The following KIF26B variants were observed in gnomAD, a reference collection of about 807,000 sequenced individuals.
KIF26B encodes the protein kinesin family member 26B.
In KIF26B, 63 loss-of-function variants were observed where a neutral mutation model predicts 151.2. The ratio of observed to expected loss-of-function variants is 0.42; its 90% CI spans 0.34 to 0.51. KIF26B has a LOEUF of 0.51. KIF26B is among the 20% of genes least tolerant of loss of function. The pLI is 0.07. For synonymous variants in KIF26B, 1,357 were observed against 1,262.1 expected, an observed-to-expected ratio of 1.08 and a Z score of -1.59; for missense variants, 2,813 against 2,913.6, an observed-to-expected ratio of 0.97 and a Z score of 0.79.
chr1:245,363,517 T>A (rs1472595195), intron 2 of KIF26B, among the ~76,000 whole-genome samples: 3 of 152,174 alleles, frequency 2.0e-5, no homozygotes, highest in Non-Finnish European at 4.4e-5. Context: ...TTTCTTCCTA[T>A]TTATGACTAC....
At chr1:245,346,194 C>A (rs1055978516) in intron 2 of KIF26B, among the ~76,000 whole-genome samples, 1 of 152,110 alleles carries the variant, frequency 6.6e-6, no homozygotes, top group Admixed American at 6.5e-5. Context: ...CCACCTGCCT[C>A]GGCCTCCCAA....
chr1:245,207,257 G>A (rs953971376), intron 2 of KIF26B, among the ~76,000 whole-genome samples: 6 of 151,744 alleles, frequency 4.0e-5, no homozygotes, highest in Non-Finnish European at 7.3e-5. Flanking sequence ...CTGCAGAAGG[G>A]TGCTTCTCAC....
intron 9 of KIF26B, among the ~76,000 whole-genome samples, chr1:245,643,137 T>C (rs773961440): frequency 6.6e-5 from 10 of 152,366 alleles, no homozygotes; most frequent in Non-Finnish European, 1.5e-4. Context: ...CTCAAGCATA[T>C]AGTAGAGCCT....
chr1:245,663,833 A>G (rs755584882), intron 10 of KIF26B, among the ~76,000 whole-genome samples: 1 of 152,136 alleles, frequency 6.6e-6, no homozygotes, highest in African/African-American at 2.4e-5. Context: ...AATACCTACA[A>G]GGGACAATTA....
At chr1:245,334,075 A>G (rs1005981380) in intron 2 of KIF26B, among the ~76,000 whole-genome samples, 2 of 152,142 alleles carry the variant, frequency 1.3e-5, no homozygotes, top group Non-Finnish European at 2.9e-5. Context: ...GGGGCTTAGA[A>G]GGAAGCAGAA....
chr1:245,280,121 G>A (rs572854020), intron 2 of KIF26B, among the ~76,000 whole-genome samples: 3 of 152,100 alleles, frequency 2.0e-5, no homozygotes, highest in East Asian at 3.9e-4. Flanking sequence ...CCCATTGGGC[G>A]CCCCATTTCA....
chr1:245,163,630 T>A (rs1460358422), intron 2 of KIF26B, among the ~76,000 whole-genome samples: 2 of 152,210 alleles, frequency 1.3e-5, no homozygotes, highest in Non-Finnish European at 2.9e-5. Context: ...TGGTGTTGAA[T>A]CTTTCCCAAG....
chr1:245,236,694 C>G (rs1427426066), intron 2 of KIF26B, among the ~76,000 whole-genome samples: 1 of 152,104 alleles, frequency 6.6e-6, no homozygotes, highest in African/African-American at 2.4e-5. Context: ...ATGTCTAAAC[C>G]TGAAAACAAT....
At chr1:245,661,369 G>C (rs949117689) in intron 10 of KIF26B, among the ~76,000 whole-genome samples, 7 of 151,852 alleles carry the variant, frequency 4.6e-5, no homozygotes, top group Non-Finnish European at 1.0e-4. Context: ...TGTTCCTTTT[G>C]AGCCTTTTAA....
In KIF26B at chr1:245,419,578, G is replaced by C; in HGVS notation, c.1000-1G>C. On this transcript the variant is annotated splice_acceptor_variant, in intron 3 of 14. Coordinates refer to ENST00000407071, the MANE Select transcript of KIF26B (RefSeq NM_018012.4). LOFTEE classifies it high-confidence loss of function. The stretch of plus-strand genomic sequence containing the variant: ...AGCTCCGTATCCATTTTCTTTGTCA[G>C]ATCTCCCAGCTGATGACAGAGAGTA... 1 of 1,606,706 alleles carries C rather than the reference G, an allele frequency of 6.2e-7. No homozygotes were observed. Among genetic ancestry groups the C allele is most frequent in the South Asian group, 1.1e-5 (1 of 90,126 alleles).
chr1:245,525,469 A>AT (rs1252928644), intron 4 of KIF26B, among the ~76,000 whole-genome samples: 1 of 152,268 alleles, frequency 6.6e-6, no homozygotes, highest in Non-Finnish European at 1.5e-5. Context: ...TCTCAATTGA[A>AT]TAGCATACAT....
intron 2 of KIF26B, among the ~76,000 whole-genome samples, chr1:245,183,533 C>T (rs999982144): frequency 1.1e-4 from 16 of 152,166 alleles, no homozygotes; most frequent in African/African-American, 3.9e-4. Flanking sequence ...CTTAGAATGA[C>T]CACTGTGGAT....
At chr1:245,422,786 A>G (rs1658521338) in intron 4 of KIF26B, among the ~76,000 whole-genome samples, 1 of 152,136 alleles carries the variant, frequency 6.6e-6, no homozygotes, top group Admixed American at 6.5e-5. Context: ...GTCAAGACAC[A>G]GGGGTGGCCT....
At position 245,419,642 on chromosome 1, in the gene KIF26B, A is replaced by G. The variant is rs1343186245; in HGVS notation, c.1063A>G (p.Asn355Asp). The G allele has an allele frequency of 6.2e-7, 1 of 1,613,844 alleles. No individual in the cohort carries two copies. Among genetic ancestry groups the G allele is most frequent in the Non-Finnish European group, 8.5e-7 (1 of 1,179,852 alleles). Residue 355 changes from asparagine to aspartate, a missense_variant, in exon 4 of 15, where the codon AAT becomes GAT. Physicochemically the swap from Asn to Asp is conservative, Grantham distance 23. Around this residue, in one of 3 missense-constraint regions of KIF26B, gnomAD observed 676 missense variants for 688.1 expected, o/e 0.98. Transcript: ENST00000407071. ...GLTEAVLNRY[N>D]ADKPSACSVP... is the part of the protein sequence containing the mutation. ...AACAGAAGCAGTGCTGAACCGCTAC[A>G]ATGCAGACAAGCCTTCCGCCTGCAG...
intron 5 of KIF26B, among the ~76,000 whole-genome samples, chr1:245,594,832 C>T (rs1558229462): frequency 6.6e-6 from 1 of 152,150 alleles, no homozygotes; most frequent in Admixed American, 6.5e-5. Context: ...TTTGTGTCCT[C>T]TCTTATTTTC....
chr1:245,444,384 C>G (rs1423250533), intron 4 of KIF26B, among the ~76,000 whole-genome samples: 3 of 152,252 alleles, frequency 2.0e-5, no homozygotes, highest in Admixed American at 2.0e-4. Flanking sequence ...CTTGAAGGAG[C>G]ACACAGAAGG....
At chr1:245,433,229 G>A (rs1443692455) in intron 4 of KIF26B, among the ~76,000 whole-genome samples, 3 of 152,108 alleles carry the variant, frequency 2.0e-5, no homozygotes, top group African/African-American at 7.2e-5. Context: ...ACTTTGGGAG[G>A]CCGAGGCAGG....
At chr1:245,634,204 TC>T (rs1211066764) in intron 9 of KIF26B, among the ~76,000 whole-genome samples, 1 of 152,262 alleles carries the variant, frequency 6.6e-6, no homozygotes, top group African/African-American at 2.4e-5. Flanking sequence ...CTTCCTAAAC[TC>T]ACCTATTAGT....
At chr1:245,567,845 T>C (rs995024605) in intron 5 of KIF26B, among the ~76,000 whole-genome samples, 1 of 152,054 alleles carries the variant, frequency 6.6e-6, no homozygotes, top group African/African-American at 2.4e-5. Flanking sequence ...CCACTAATTT[T>C]CATCTGAGTT....
Sources: allele counts gnomAD v4.1 joint callset (sites outside exome capture counted in the v4.1 genomes callset), GRCh38; gene constraint gnomAD v4.1.1; regional missense constraint gnomAD v4.1.1; transcripts MANE v1.5; gene names NCBI Gene and HGNC (gene_info 2026-07-23, HGNC 2026-07-21).